The following ADPRHL1 variants were observed in gnomAD, a reference collection of about 807,000 sequenced individuals.
ADPRHL1 encodes ADP-ribosylhydrolase like 1.
In ADPRHL1, 43 loss-of-function variants were observed where a neutral mutation model predicts 44.1. That is an observed-to-expected ratio of 0.98 (90% CI 0.76 to 1.26). ADPRHL1 has a LOEUF of 1.26. Ranked by LOEUF, ADPRHL1 falls within the 50% of genes most tolerant of loss-of-function variation. The pLI, the probability that ADPRHL1 is intolerant of heterozygous loss-of-function variation, is 0.00. For synonymous variants in ADPRHL1, 878 were observed against 1,017.4 expected (o/e 0.86, Z 2.61); for missense variants, 2,022 against 2,496.9 (o/e 0.81, Z 4.05).
At chr13:113,419,038 C>CCCCTTCCCTTCCTTCTTTT in intron 7 of ADPRHL1, among the ~76,000 whole-genome samples, 1 of 36,930 alleles carries the variant, frequency 2.7e-5, no homozygotes, top group Non-Finnish European at 7.6e-5. Context: ...CCCTTCCCCT[C>CCCCTTCCCTTCCTTCTTTT]CCCTTCCCTT....
intron 7 of ADPRHL1, among the ~76,000 whole-genome samples, chr13:113,419,053 CTT>C (rs2043901718): frequency 2.7e-5 from 4 of 150,050 alleles, no homozygotes; most frequent in Admixed American, 1.3e-4. Context: ...TCCCTTCCTT[CTT>C]CTCCTTCCTT....
At chr13:113,450,248 C>A (rs893000921) in intron 1 of ADPRHL1, among the ~76,000 whole-genome samples, 2 of 152,134 alleles carry the variant, frequency 1.3e-5, no homozygotes, top group Non-Finnish European at 1.5e-5. Flanking sequence ...TTAAAGACCC[C>A]CTTCCATAGG....
rs928907036 is a variant in ADPRHL1 at position 113,425,046 on chromosome 13, G to A, written c.774+6C>T. ...GACATTGCCCCAGTGCCAGGACAAGGCTTACCTTTTCCCTCTCTTCTGCAT... is the reference window on the plus strand; with the variant it reads ...GACATTGCCCCAGTGCCAGGACAAGACTTACCTTTTCCCTCTCTTCTGCAT... On this transcript the variant is annotated splice_donor_region_variant and intron_variant, in intron 5 of 7. Coordinates refer to ENST00000612156, the MANE Select transcript of ADPRHL1 (RefSeq NM_001394807.1). The A allele has an allele frequency of 1.2e-6, 2 of 1,613,300 alleles. No individual in the cohort carries two copies. Among genetic ancestry groups the A allele is most frequent in the South Asian group, 2.2e-5 (2 of 91,050 alleles).
chr13:113,445,546 G>A (rs560912519), intron 1 of ADPRHL1, among the ~76,000 whole-genome samples: 8 of 152,326 alleles, frequency 5.3e-5, no homozygotes, highest in African/African-American at 1.2e-4. Context: ...CTGGGCTTGC[G>A]GGTCAGCCCC....
chr13:113,442,345 T>G (rs1043157289), intron 2 of ADPRHL1, among the ~76,000 whole-genome samples: 3 of 152,192 alleles, frequency 2.0e-5, no homozygotes, highest in Non-Finnish European at 4.4e-5. Context: ...GTCCCATCTA[T>G]GTGGGAGGCT....
At position 113,406,654 on chromosome 13, in the gene ADPRHL1, C is replaced by G; in HGVS notation, c.2628G>C (p.Glu876Asp). The change falls in exon 8 of 8, where the codon GAG (glutamate) becomes GAC (aspartate). Residue 876 changes from glutamate to aspartate, a missense_variant. Physicochemically the swap from Glu to Asp is conservative, Grantham distance 45 (BLOSUM62 2). This residue lies in a region of ADPRHL1 where 1,221 missense variants were observed against 1,517.8 expected (regional missense o/e 0.80). Transcript: ENST00000612156. Reference protein sequence around the residue: ...GENKPCICGGENVVENAHTEF... With the variant: ...GENKPCICGGDNVVENAHTEF... The stretch of plus-strand genomic sequence containing the variant: ...CTGTGTGGGCATTTTCAACCACATT[C>G]TCTCCTCCACAAATACAAGGTTTGT... 1 of 1,188,880 alleles carries G rather than the reference C, an allele frequency of 8.4e-7. No individual in the cohort carries two copies. Among genetic ancestry groups the G allele is most frequent in the Non-Finnish European group, 1.0e-6 (1 of 972,828 alleles). The allele number at this position is 1,188,880 out of a possible 1,614,324, so 73.6% of individuals were successfully genotyped here. A position where few individuals can be genotyped will look rare whatever the true frequency, so the allele number is the denominator to read the frequency against.
intron 1 of ADPRHL1, among the ~76,000 whole-genome samples, chr13:113,447,029 T>C (rs12019927): frequency 0.091 from 5,666 of 62,448 alleles, 3 homozygotes; most frequent in African/African-American, 0.22. Flanking sequence ...GTTGTGTGTG[T>C]ATGGTGTCTA....
rs930633923 is a variant in ADPRHL1, at chr13:113,407,406, C to T, written c.1876G>A (p.Val626Ile). 36 of 1,231,912 alleles carry T rather than the reference C, an allele frequency of 2.9e-5. No individual in the cohort carries two copies. The highest frequency in any genetic ancestry group is 3.1e-4 in the Middle Eastern group (1 of 3,210). 76.3% of individuals were successfully genotyped at this position (1,231,912 alleles called of 1,614,324 possible). A position where few individuals can be genotyped will look rare whatever the true frequency, so the allele number is the denominator to read the frequency against. ...EPLPALSIAT[V>I]VCGPRSWLSH... ...AGCCAGCTCCTGGGGCCACAGACGACGGTGGCGATGCTGAGGGCCGGCAGG... is the reference window on the plus strand; with the variant it reads ...AGCCAGCTCCTGGGGCCACAGACGATGGTGGCGATGCTGAGGGCCGGCAGG... Residue 626 changes from valine (V) to isoleucine (I), a missense_variant, in exon 8 of 8, where the codon GTC (valine) becomes ATC (isoleucine). Coordinates refer to ENST00000612156, the MANE Select transcript of ADPRHL1 (RefSeq NM_001394807.1).
intron 7 of ADPRHL1, among the ~76,000 whole-genome samples, chr13:113,416,896 C>T (rs900778947): frequency 6.6e-6 from 1 of 152,168 alleles, no homozygotes; most frequent in African/African-American, 2.4e-5. Context: ...TGTGCGTGCT[C>T]ATATGTGCGA....
chr13:113,410,408 G>T (rs368388338), intron 7 of ADPRHL1, among the ~76,000 whole-genome samples: 1 of 152,148 alleles, frequency 6.6e-6, no homozygotes, highest in Non-Finnish European at 1.5e-5. Context: ...GAGGCCGCTG[G>T]TCCGGGGACC....
chr13:113,406,881 T>C lies in ADPRHL1; in HGVS notation c.2401A>G (p.Arg801Gly). The C allele has an allele frequency of 8.1e-7, 1 of 1,232,344 alleles. No homozygotes were observed. Among genetic ancestry groups the C allele is most frequent in the Non-Finnish European group, 1.0e-6 (1 of 988,252 alleles). 76.3% of individuals were successfully genotyped at this position (1,232,344 alleles called of 1,614,324 possible). The change falls in exon 8 of 8, where the codon AGA becomes GGA. Residue 801 changes from arginine (R) to glycine (G), a missense_variant. Arg to Gly is a moderately radical substitution (Grantham distance 125). Coordinates refer to ENST00000612156, the MANE Select transcript of ADPRHL1 (RefSeq NM_001394807.1). ...REGAGFPDPGRDPLFATQKYF... is the reference protein window; with the variant it reads ...REGAGFPDPGGDPLFATQKYF... ...TTCTGGGTGGCAAAGAGGGGGTCTC[T>C]CCCTGGGTCTGGGAAGCCTGCTCCT... is the stretch of plus-strand genomic sequence containing the variant.
Position 113,435,320 on chromosome 13 carries a change from G to A in ADPRHL1, c.380-1453C>T, listed in dbSNP as rs147620557. 6.0e-3 allele frequency among the ~76,000 whole-genome samples: 647 copies of A among 108,666 alleles called. 26 individuals carry two copies. The highest frequency in any genetic ancestry group is 0.017 in the South Asian group (47 of 2,792). 71.3% of individuals were successfully genotyped at this position (108,666 alleles called of 152,430 possible). ...GTACCCTGTGACCCAGCACCCAGGCGTAGAGTGAATATAGGTGTAGCCCGT... is the reference window on the plus strand; with the variant it reads ...GTACCCTGTGACCCAGCACCCAGGCATAGAGTGAATATAGGTGTAGCCCGT... On this transcript the variant is annotated intron_variant, in intron 2 of 7. Coordinates refer to ENST00000612156, the MANE Select transcript of ADPRHL1 (RefSeq NM_001394807.1).
chr13:113,447,141 T>C (rs2044146203), intron 1 of ADPRHL1, among the ~76,000 whole-genome samples: 1 of 147,758 alleles, frequency 6.8e-6, no homozygotes, highest in African/African-American at 2.6e-5. Flanking sequence ...ATGCAAGTTG[T>C]ATGTGCATGG....
At chr13:113,438,317 G>A (rs1015578695) in intron 2 of ADPRHL1, among the ~76,000 whole-genome samples, 4 of 152,086 alleles carry the variant, frequency 2.6e-5, no homozygotes, top group East Asian at 1.9e-4. Flanking sequence ...TTCTAATGAC[G>A]GAAGATGGTG....
chr13:113,410,084 C>T (rs1009197745), intron 7 of ADPRHL1: 1 of 985,266 alleles, frequency 1.0e-6, no homozygotes, highest in Non-Finnish European at 1.2e-6. Flanking sequence ...AGCGGCTGAC[C>T]ACATGACCAC....
chr13:113,453,128 G>T lies in ADPRHL1; in HGVS notation c.214+96C>A. On this transcript the variant is annotated intron_variant, in intron 1 of 7. Coordinates refer to ENST00000612156, the MANE Select transcript of ADPRHL1 (RefSeq NM_001394807.1). This position sits in a 1 kb window ranked among gnomAD's most constrained non-coding sequence, Gnocchi z 5.4. ...AGGTAACACCATCCGCTGAAGGACCGCACTGCCTTCAAAGCTCTCGGAGGC... is the reference window on the plus strand; with the variant it reads ...AGGTAACACCATCCGCTGAAGGACCTCACTGCCTTCAAAGCTCTCGGAGGC... 5 of 1,348,822 alleles carry T rather than the reference G, an allele frequency of 3.7e-6. No individual in the cohort carries two copies. The highest frequency in any genetic ancestry group is 5.2e-6 in the Non-Finnish European group (5 of 960,046). 83.6% of individuals were successfully genotyped at this position (1,348,822 alleles called of 1,614,324 possible).
rs908551760 is a variant in ADPRHL1, at chr13:113,409,669, G to A, written c.1062-1449C>T. On this transcript the variant is annotated intron_variant, in intron 7 of 7. Coordinates refer to ENST00000612156, the MANE Select transcript of ADPRHL1 (RefSeq NM_001394807.1). The surrounding 1 kb of genome is among the most constrained non-coding windows in gnomAD (Gnocchi z 4.2). Reference sequence around the variant, plus strand: ...TGGGAGGCCGAGGCTGGCAGATCACGAGGTCAGGAGATCGAGACCATCCTG... The same window carrying A: ...TGGGAGGCCGAGGCTGGCAGATCACAAGGTCAGGAGATCGAGACCATCCTG... The A allele has an allele frequency of 7.5e-5, 69 of 922,112 alleles. No homozygotes were observed. In the African/African-American group the frequency reaches 1.1e-3, roughly 14 times the overall value. 57.1% of individuals were successfully genotyped at this position (922,112 alleles called of 1,614,324 possible). A position where few individuals can be genotyped will look rare whatever the true frequency, so the allele number is the denominator to read the frequency against.
At chr13:113,449,618 C>T (rs947050064) in intron 1 of ADPRHL1, among the ~76,000 whole-genome samples, 1 of 152,266 alleles carries the variant, frequency 6.6e-6, no homozygotes, top group Non-Finnish European at 1.5e-5. Flanking sequence ...GGGAGCCACA[C>T]AGGCTGCCCC....
rs111984212 is a variant in ADPRHL1, at chr13:113,445,137, G to A, written c.215-548C>T. Among the ~76,000 whole-genome samples the A allele has an allele frequency of 1.4e-3, 216 of 152,318 alleles. 1 individual carries two copies. The highest frequency in any genetic ancestry group is 4.8e-3 in the African/African-American group (199 of 41,566). On this transcript the variant is annotated intron_variant, in intron 1 of 7. Coordinates refer to ENST00000612156, the MANE Select transcript of ADPRHL1 (RefSeq NM_001394807.1). ...GTGTTCCGGAAACAAGGGTGGGCTC[G>A]AGGCCCTGAAAGACCCTGGGGCACG...
Sources: gnomAD v4.1 joint callset for allele counts (sites outside exome capture counted in the v4.1 genomes callset) on GRCh38, gnomAD v4.1.1 for gene constraint, gnomAD v4.1.1 regional missense constraint, Gnocchi (gnomAD v3.1) non-coding constraint, MANE v1.5 for transcripts, NCBI Gene and HGNC (gene_info 2026-07-23, HGNC 2026-07-21) for gene names.